SNX14: variants seen among roughly 807,000 people sequenced by gnomAD.
The protein encoded by SNX14 is sorting nexin 14.
A neutral mutation model predicts 133.8 loss-of-function variants in SNX14; 93 were observed. That is an observed-to-expected ratio of 0.70 (90% CI 0.59 to 0.83). SNX14 has a LOEUF of 0.83. SNX14 is among the 40% of genes least tolerant of loss of function. The probability of loss-of-function intolerance (pLI) is 0.00; values close to 1 mark genes in which losing one functional copy is unlikely to be tolerated. For missense variants in SNX14, 945 were observed against 1,094.9 expected (o/e 0.86, Z 1.93); for synonymous variants, 368 against 365.6 (o/e 1.01, Z -0.07).
chr6:85,568,724 GT>G (rs2128181029), intron 4 of SNX14, among the ~76,000 whole-genome samples: 1 of 152,212 alleles, frequency 6.6e-6, no homozygotes, highest in East Asian at 1.9e-4. Flanking sequence ...CAATAATAAA[GT>G]TTGTGAATTC....
chr6:85,564,881 C>G (rs193172336), intron 6 of SNX14, among the ~76,000 whole-genome samples: 15 of 151,416 alleles, frequency 9.9e-5, no homozygotes, highest in African/African-American at 3.6e-4. Flanking sequence ...CCCAGCTACT[C>G]GAGAGGCTGA....
chr6:85,547,147 C>T lies in SNX14; in HGVS notation c.1073G>A (p.Gly358Asp). 1.2e-6 allele frequency: 2 copies of T among 1,613,992 alleles called. No individual in the cohort carries two copies. Among genetic ancestry groups the T allele is most frequent in the Non-Finnish European group, 1.7e-6 (2 of 1,179,942 alleles). The change falls in exon 12 of 29, where the codon GGC becomes GAC. Residue 358 changes from glycine to aspartate, a missense_variant. Physicochemically the swap from Gly to Asp is moderately conservative, Grantham distance 94. Coordinates refer to ENST00000314673, the MANE Select transcript of SNX14 (RefSeq NM_153816.6). ...FRFMNFLKQE[G>D]AVHVLQFCLT... ...ACAAAACTGCAACACGTGCACTGCG[C>T]CTTCTTGTTTCAGAAAGTTCATAAA... is the stretch of plus-strand genomic sequence containing the variant.
At chr6:85,566,291 A>T (rs1226431283) in intron 5 of SNX14, among the ~76,000 whole-genome samples, 1 of 152,262 alleles carries the variant, frequency 6.6e-6, no homozygotes, top group Non-Finnish European at 1.5e-5. Flanking sequence ...GATATTTAAC[A>T]CAGAACCAAA....
intron 20 of SNX14, among the ~76,000 whole-genome samples, chr6:85,527,580 A>AT (rs1554221440): frequency 2.6e-5 from 4 of 152,148 alleles, no homozygotes; most frequent in Admixed American, 6.5e-5. Context: ...CAAATAAAGT[A>AT]TTTTTTTAAC....
chr6:85,514,359 A>G (rs1254587201), intron 24 of SNX14, 125 bp from the exon 25 acceptor site: 2 of 1,446,404 alleles, frequency 1.4e-6, no homozygotes, highest in East Asian at 4.6e-5. Flanking sequence ...CAACTTTAAT[A>G]TGATCAAGGC....
chr6:85,528,402 T>C, intron 19 of SNX14, 40 bp from the exon 20 acceptor site: 1 of 1,482,004 alleles, frequency 6.7e-7, no homozygotes, highest in Non-Finnish European at 9.2e-7. Context: ...TGTGTTCTGC[T>C]ACTATTTTTA....
At chr6:85,569,818 C>G (rs1795008603) in intron 4 of SNX14, among the ~76,000 whole-genome samples, 1 of 152,192 alleles carries the variant, frequency 6.6e-6, no homozygotes, top group Non-Finnish European at 1.5e-5. Context: ...GAGCTTAGCA[C>G]AATGCCTAAT....
chr6:85,587,208 A>G (rs1011474368), intron 1 of SNX14, among the ~76,000 whole-genome samples: 1 of 55,874 alleles, frequency 1.8e-5, no homozygotes, highest in Non-Finnish European at 4.1e-5. Context: ...AAGATAAGGC[A>G]AAAAAAAAAA....
chr6:85,548,302 G>A lies in SNX14; in HGVS notation c.866C>T (p.Pro289Leu). Residue 289 changes from proline (P) to leucine (L), a missense_variant and splice_region_variant, in exon 9 of 29, where the codon CCA becomes CTA. Pro to Leu is a moderately conservative substitution (Grantham distance 98). This residue lies in a region of SNX14 where 514 missense variants were observed against 538.8 expected (regional missense o/e 0.95). Coordinates refer to ENST00000314673, the MANE Select transcript of SNX14 (RefSeq NM_153816.6). ...TTAAAAAAAAATCTTAAGTCTTACT[G>A]GATCAGCTAGGAAATCCAAAGAAGG... is the stretch of plus-strand genomic sequence containing the variant. ...FLPSLDFLAD[P>L]DTVNHLLIIF... 5 of 1,602,902 alleles carry A rather than the reference G, an allele frequency of 3.1e-6. No individual in the cohort carries two copies. Among genetic ancestry groups the A allele is most frequent in the South Asian group, 1.1e-5 (1 of 88,860 alleles).
At chr6:85,522,645 T>A (rs144636061) in intron 21 of SNX14, among the ~76,000 whole-genome samples, 1 of 152,302 alleles carries the variant, frequency 6.6e-6, no homozygotes, top group East Asian at 1.9e-4. Context: ...TTTAGCATCA[T>A]CCTTTAAACT....
chr6:85,509,831 C>T (rs1772168384), intron 26 of SNX14, among the ~76,000 whole-genome samples: 1 of 152,144 alleles, frequency 6.6e-6, no homozygotes, highest in Non-Finnish European at 1.5e-5. Context: ...TCCCTCCCTC[C>T]CCTCCAATCC....
intron 1 of SNX14, among the ~76,000 whole-genome samples, chr6:85,579,195 G>C (rs1040601107): frequency 6.6e-6 from 1 of 151,998 alleles, no homozygotes; most frequent in Non-Finnish European, 1.5e-5. Context: ...AGGATGGCCT[G>C]GCCATCATCA....
intron 26 of SNX14, among the ~76,000 whole-genome samples, chr6:85,512,073 G>A (rs1773037278): frequency 1.3e-5 from 2 of 152,264 alleles, no homozygotes; most frequent in East Asian, 1.9e-4. Context: ...TGGCTAGAGT[G>A]TATTGGAGTT....
intron 17 of SNX14, among the ~76,000 whole-genome samples, chr6:85,535,560 G>C (rs868707332): frequency 7.0e-6 from 1 of 142,000 alleles, no homozygotes; most frequent in African/African-American, 2.7e-5. Flanking sequence ...AGCTGAGATC[G>C]TGCCATTGCA....
intron 1 of SNX14, among the ~76,000 whole-genome samples, chr6:85,585,939 T>C (rs116522669): frequency 0.01 from 1,462 of 144,782 alleles, 23 homozygotes; most frequent in African/African-American, 0.035. Flanking sequence ...TGTGATGCAA[T>C]GGAATGTACA....
intron 12 of SNX14, among the ~76,000 whole-genome samples, chr6:85,546,728 C>T (rs1447136264): frequency 2.0e-5 from 3 of 151,890 alleles, no homozygotes; most frequent in Admixed American, 6.6e-5. Flanking sequence ...TTTGGGAGGC[C>T]GAGGTGGGTG....
rs577787141 is a variant in SNX14, at chr6:85,591,856, T to A, written c.140+1723A>T. Among the ~76,000 whole-genome samples, 398 of 151,970 alleles carry A rather than the reference T, an allele frequency of 2.6e-3. 1 individual carries two copies. The highest frequency in any genetic ancestry group is 4.8e-3 in the Non-Finnish European group (324 of 67,930). On this transcript the variant is annotated intron_variant, in intron 1 of 28. Transcript: ENST00000314673. ...GAAACCCCCGTCTCTATTAAAAATG[T>A]AAAAAAAGTAGCCGGGCATGGTGGT...
At chr6:85,530,045 T>C (rs1779732827) in intron 19 of SNX14, 147 bp downstream of exon 19, 1 of 513,898 alleles carries the variant, frequency 1.9e-6, no homozygotes, top group Non-Finnish European at 3.4e-6. Flanking sequence ...AAACAGTACA[T>C]TTCCGTTATC....
chr6:85,551,814 C>G (rs1007398329), intron 7 of SNX14, among the ~76,000 whole-genome samples: 3 of 152,096 alleles, frequency 2.0e-5, no homozygotes, highest in Non-Finnish European at 2.9e-5. Flanking sequence ...AAAGTAGAAA[C>G]CCATGAAAGG....
Sources: allele counts gnomAD v4.1 joint callset (sites outside exome capture counted in the v4.1 genomes callset), GRCh38; gene constraint gnomAD v4.1.1; regional missense constraint gnomAD v4.1.1; transcripts MANE v1.5; gene names NCBI Gene and HGNC (gene_info 2026-07-23, HGNC 2026-07-21).